Variants in TMEM131 observed in about 807,000 individuals in gnomAD.
The protein encoded by TMEM131 is 2610524E03Rik.
Under a neutral mutation model 211.6 loss-of-function variants are expected in TMEM131, and 66 were observed. That is an observed-to-expected ratio of 0.31 (90% CI 0.26 to 0.38). TMEM131 has a LOEUF of 0.38. Ranked by LOEUF, TMEM131 falls within the 10% of genes least tolerant of loss-of-function variation. The pLI is 1.00. For synonymous variants in TMEM131, 844 were observed against 841.3 expected (o/e 1.00, Z -0.06); for missense variants, 2,036 against 2,299.3 (o/e 0.89, Z 2.34).
chr2:97,815,373 G>T, intron 12 of TMEM131, 66 bp from the exon 13 acceptor site: 10 of 980,544 alleles, frequency 1.0e-5, no homozygotes, highest in South Asian at 4.0e-5. Flanking sequence ...GTGAATTTAT[G>T]TAAATTGACA....
At chr2:97,960,068 C>A (rs1197966164) in intron 1 of TMEM131, among the ~76,000 whole-genome samples, 2 of 152,168 alleles carry the variant, frequency 1.3e-5, no homozygotes, top group African/African-American at 4.8e-5. Context: ...TTTGTCACTA[C>A]TGGTGATATT....
rs141020140 is a variant in TMEM131, at chr2:97,800,921, T to C, written c.2718+974A>G. Among the ~76,000 whole-genome samples the C allele has an allele frequency of 3.9e-3, 601 of 152,302 alleles. 2 individuals carry two copies. Among genetic ancestry groups the C allele is most frequent in the African/African-American group, 0.014 (579 of 41,568 alleles). The stretch of plus-strand genomic sequence containing the variant: ...CGCATGAGGCTGGAATACAAGACTG[T>C]CTAAACTTTAGTCTAGTGTCCCAGC... On this transcript the variant is annotated intron_variant, in intron 25 of 40. Coordinates refer to ENST00000186436, the MANE Select transcript of TMEM131 (RefSeq NM_015348.2).
intron 1 of TMEM131, among the ~76,000 whole-genome samples, chr2:97,934,170 G>C (rs1429251304): frequency 6.6e-6 from 1 of 152,136 alleles, no homozygotes; most frequent in African/African-American, 2.4e-5. Flanking sequence ...ATATAGCAAA[G>C]TTGCAGAATA....
intron 1 of TMEM131, among the ~76,000 whole-genome samples, chr2:97,979,336 G>A (rs934298078): frequency 4.6e-5 from 7 of 152,148 alleles, no homozygotes; most frequent in African/African-American, 1.4e-4. Flanking sequence ...CCTGTCCTTC[G>A]AAGCTTTGAC....
At position 97,788,144 on chromosome 2, in the gene TMEM131, G is replaced by A. The variant is rs552930317; in HGVS notation, c.4144+4242C>T. On this transcript the variant is annotated intron_variant, in intron 31 of 40. Coordinates refer to ENST00000186436, the MANE Select transcript of TMEM131 (RefSeq NM_015348.2). ...CCCTGCCCCACAGAACTCCAGCACTGTCCTACTCCACCAACTACCCAGTTT... is the reference window on the plus strand; with the variant it reads ...CCCTGCCCCACAGAACTCCAGCACTATCCTACTCCACCAACTACCCAGTTT... Among the ~76,000 whole-genome samples, 11 of 152,234 alleles carry A rather than the reference G, an allele frequency of 7.2e-5. No individual in the cohort carries two copies. The South Asian group carries it at 1.5e-3, about 20-fold the overall frequency.
chr2:97,867,700 C>T (rs1674328372), intron 4 of TMEM131, among the ~76,000 whole-genome samples: 1 of 152,170 alleles, frequency 6.6e-6, no homozygotes, highest in Non-Finnish European at 1.5e-5. Context: ...CCAGTCCTTT[C>T]TGAAATGTGC....
intron 1 of TMEM131, among the ~76,000 whole-genome samples, chr2:97,940,478 C>T (rs1309618826): frequency 6.6e-6 from 1 of 152,124 alleles, no homozygotes; most frequent in Non-Finnish European, 1.5e-5. Flanking sequence ...AGGACCTCTT[C>T]AAGGAGAACT....
chr2:97,982,567 CATCT>C, intron 1 of TMEM131, among the ~76,000 whole-genome samples: 1 of 152,236 alleles, frequency 6.6e-6, no homozygotes, highest in East Asian at 1.9e-4. Context: ...TTTGGTGTCA[CATCT>C]ATCAAGAAAG....
chr2:97,856,141 C>T (rs1015044726), intron 5 of TMEM131, among the ~76,000 whole-genome samples: 4 of 152,050 alleles, frequency 2.6e-5, no homozygotes, highest in African/African-American at 7.2e-5. Context: ...CACAATTGGA[C>T]TTGTATAGAA....
chr2:97,788,168 T>G (rs1680337949), intron 31 of TMEM131, among the ~76,000 whole-genome samples: 1 of 152,108 alleles, frequency 6.6e-6, no homozygotes. Flanking sequence ...ACTACCCAGT[T>G]TTCATTCTTC....
chr2:97,794,503 T>C (rs536741765), intron 29 of TMEM131, among the ~76,000 whole-genome samples: 1 of 152,366 alleles, frequency 6.6e-6, no homozygotes, highest in South Asian at 2.1e-4. Flanking sequence ...TATAAATATG[T>C]AAATTAGTTT....
At chr2:97,980,927 G>GTATT (rs1246743634) in intron 1 of TMEM131, among the ~76,000 whole-genome samples, 1 of 147,864 alleles carries the variant, frequency 6.8e-6, no homozygotes, top group Admixed American at 6.9e-5. Flanking sequence ...ACTATATGGA[G>GTATT]ATAGCACAGG....
At chr2:97,883,185 AC>A (rs1250888094) in intron 4 of TMEM131, among the ~76,000 whole-genome samples, 2 of 152,346 alleles carry the variant, frequency 1.3e-5, no homozygotes, top group East Asian at 3.9e-4. Flanking sequence ...ACCTCTGAAC[AC>A]AATCACATCA....
At chr2:97,891,436 T>C (rs570707107) in intron 3 of TMEM131, among the ~76,000 whole-genome samples, 2 of 152,294 alleles carry the variant, frequency 1.3e-5, no homozygotes, top group African/African-American at 2.4e-5. Flanking sequence ...TGATAGCATA[T>C]TGCATTATTT....
intron 3 of TMEM131, among the ~76,000 whole-genome samples, chr2:97,896,951 C>T (rs1275914831): frequency 1.3e-5 from 2 of 152,016 alleles, no homozygotes; most frequent in Non-Finnish European, 2.9e-5. Flanking sequence ...TCTTCACAGT[C>T]TTCTAATCCA....
rs1677037924 is a variant in TMEM131 at position 97,927,432 on chromosome 2, T to TAGC, written c.240_242dup (p.Leu82dup). 2 of 1,590,202 alleles carry TAGC rather than the reference T, an allele frequency of 1.3e-6. No homozygotes were observed. Among genetic ancestry groups the TAGC allele is most frequent in the South Asian group, 2.4e-5 (2 of 85,020 alleles). On this transcript the variant is annotated inframe_insertion, in exon 2 of 41. Transcript: ENST00000186436. Reference sequence around the variant, plus strand: ...CTACTTAAAAAAAAATTACCTGTAGTAGCCCTCCATCATCAAAACGCAGTA... The same window carrying TAGC: ...CTACTTAAAAAAAAATTACCTGTAGTAGCAGCCCTCCATCATCAAAACGCAGTA...
intron 1 of TMEM131, among the ~76,000 whole-genome samples, chr2:97,963,101 T>A (rs562925713): frequency 6.6e-6 from 1 of 152,330 alleles, no homozygotes; most frequent in African/African-American, 2.4e-5. Flanking sequence ...CACAACTGTA[T>A]GTTTATGAAA....
intron 2 of TMEM131, among the ~76,000 whole-genome samples, chr2:97,922,146 C>T (rs1676767808): frequency 6.6e-6 from 1 of 152,140 alleles, no homozygotes; most frequent in Non-Finnish European, 1.5e-5. Flanking sequence ...TTAGATTCTC[C>T]TAAGGCACGC....
chr2:97,879,116 G>A (rs1674814414), intron 4 of TMEM131, among the ~76,000 whole-genome samples: 1 of 152,186 alleles, frequency 6.6e-6, no homozygotes. Flanking sequence ...TTCCACCCCT[G>A]CTAGTTAGAC....
Sources: allele counts gnomAD v4.1 joint callset (sites outside exome capture counted in the v4.1 genomes callset), GRCh38; gene constraint gnomAD v4.1.1; transcripts MANE v1.5; gene names NCBI Gene and HGNC (gene_info 2026-07-23, HGNC 2026-07-21).